The following KALRN variants were observed in gnomAD, a reference collection of about 807,000 sequenced individuals.
KALRN encodes the protein kalirin RhoGEF kinase, also known as kalirin.
A neutral mutation model predicts 353.7 loss-of-function variants in KALRN; 70 were observed. That is an observed-to-expected ratio of 0.20 (90% confidence interval 0.16 to 0.24). KALRN has a LOEUF of 0.24. Ranked by LOEUF, KALRN falls within the 10% of genes least tolerant of loss-of-function variation. The probability of loss-of-function intolerance (pLI) is 1.00; values close to 1 mark genes in which losing one functional copy is unlikely to be tolerated. For missense variants in KALRN, 2,791 were observed against 3,756.7 expected, an observed-to-expected ratio of 0.74 and a Z score of 6.72; for synonymous variants, 1,391 against 1,434.8, an observed-to-expected ratio of 0.97 and a Z score of 0.69.
At chr3:124,234,597 T>C (rs1370594210) in intron 2 of KALRN, among the ~76,000 whole-genome samples, 1 of 152,200 alleles carries the variant, frequency 6.6e-6, no homozygotes, top group Non-Finnish European at 1.5e-5. Flanking sequence ...TGCACAGTAC[T>C]GTTTTCATCT....
intron 34 of KALRN, among the ~76,000 whole-genome samples, chr3:124,570,646 G>A (rs1337823533): frequency 6.6e-6 from 1 of 152,206 alleles, no homozygotes. Context: ...ATTTATTTGA[G>A]TACTGATACT....
chr3:124,177,960 T>A (rs1381959293), intron 1 of KALRN, among the ~76,000 whole-genome samples: 1 of 152,196 alleles, frequency 6.6e-6, no homozygotes, highest in Non-Finnish European at 1.5e-5. Context: ...GAAAGTGTGA[T>A]CTGGACAACT....
intron 6 of KALRN, among the ~76,000 whole-genome samples, chr3:124,310,324 G>A (rs918346977): frequency 3.3e-5 from 5 of 152,054 alleles, no homozygotes; most frequent in African/African-American, 1.2e-4. Flanking sequence ...ATATTGTTAG[G>A]ATGGCAATAC....
chr3:124,629,592 T>C (rs2080508882), intron 34 of KALRN, among the ~76,000 whole-genome samples: 2 of 152,206 alleles, frequency 1.3e-5, no homozygotes, highest in Admixed American at 1.3e-4. Flanking sequence ...CTGCTGTTTC[T>C]CCCTTTTGGA....
chr3:124,677,478 G>A, intron 49 of KALRN: 2 of 408,060 alleles, frequency 4.9e-6, no homozygotes, highest in East Asian at 1.5e-4. Flanking sequence ...ACCTCCCTGG[G>A]AGCACACATT....
rs183890434 is a variant in KALRN at position 124,437,619 on chromosome 3, G to A, written c.3049-1269G>A. 2.1e-3 allele frequency among the ~76,000 whole-genome samples: 306 copies of A among 145,022 alleles called. 1 individual carries two copies. Among genetic ancestry groups the A allele is most frequent in the Non-Finnish European group, 3.2e-3 (213 of 67,160 alleles). Reference sequence around the variant, plus strand: ...GCAGGAGAATCCCTTGAACCTGGGAGGCAGAGGTTGCATTGAGCCAAGATT... The same window carrying A: ...GCAGGAGAATCCCTTGAACCTGGGAAGCAGAGGTTGCATTGAGCCAAGATT... On this transcript the variant is annotated intron_variant, in intron 17 of 59. Transcript: ENST00000682506.
chr3:124,275,400 T>C (rs1206868376), intron 5 of KALRN, among the ~76,000 whole-genome samples: 2 of 152,242 alleles, frequency 1.3e-5, no homozygotes, highest in Non-Finnish European at 2.9e-5. Flanking sequence ...CCCCTACATA[T>C]TTATAGTGGG....
At chr3:124,476,077 A>T (rs965052894) in intron 26 of KALRN, among the ~76,000 whole-genome samples, 1 of 152,026 alleles carries the variant, frequency 6.6e-6, no homozygotes, top group Non-Finnish European at 1.5e-5. Context: ...TAGTTCCAAA[A>T]ACTGGTTTCA....
intron 14 of KALRN, among the ~76,000 whole-genome samples, chr3:124,420,620 C>A (rs1383118967): frequency 6.6e-6 from 1 of 152,092 alleles, no homozygotes; most frequent in Non-Finnish European, 1.5e-5. Context: ...CCGTTCTTTT[C>A]TCTGTCTCCC....
At chr3:124,051,945 T>C (rs2041084178) in intron 1 of KALRN, among the ~76,000 whole-genome samples, 1 of 152,230 alleles carries the variant, frequency 6.6e-6, no homozygotes, top group African/African-American at 2.4e-5. Context: ...AGTGTGTCCC[T>C]CTCTGAGGCT....
At chr3:124,051,839 A>G (rs1053672902) in intron 1 of KALRN, among the ~76,000 whole-genome samples, 26 of 152,178 alleles carry the variant, frequency 1.7e-4, no homozygotes, top group Admixed American at 8.5e-4. Flanking sequence ...CAAAAATAAC[A>G]CAACAGGTAA....
chr3:124,371,617 C>T (rs2085846238), intron 10 of KALRN, among the ~76,000 whole-genome samples: 1 of 152,012 alleles, frequency 6.6e-6, no homozygotes, highest in Admixed American at 6.5e-5. Context: ...TTTCTGCTTA[C>T]TTTTTGGAAT....
chr3:124,077,927 G>C (rs1277100782), intron 1 of KALRN, among the ~76,000 whole-genome samples: 4 of 152,180 alleles, frequency 2.6e-5, no homozygotes, highest in Non-Finnish European at 5.9e-5. Flanking sequence ...CTTGACTTCT[G>C]TGGACCCGTT....
At chr3:124,438,441 A>G (rs2093554904) in intron 17 of KALRN, among the ~76,000 whole-genome samples, 1 of 152,054 alleles carries the variant, frequency 6.6e-6, no homozygotes, top group Non-Finnish European at 1.5e-5. Flanking sequence ...ACCATACAAC[A>G]TAGGCAACTT....
intron 1 of KALRN, among the ~76,000 whole-genome samples, chr3:124,078,825 C>T (rs2060391100): frequency 6.6e-6 from 1 of 152,184 alleles, no homozygotes; most frequent in South Asian, 2.1e-4. Context: ...TCACTCTCAA[C>T]CAAGGCAGTT....
intron 1 of KALRN, among the ~76,000 whole-genome samples, chr3:124,038,466 G>A (rs535029537): frequency 6.6e-6 from 1 of 152,266 alleles, no homozygotes; most frequent in South Asian, 2.1e-4. Flanking sequence ...GGGAGAGAAT[G>A]TGTGGAGAGG....
chr3:124,241,398 A>C (rs1026530883), intron 3 of KALRN, among the ~76,000 whole-genome samples: 4 of 152,130 alleles, frequency 2.6e-5, no homozygotes, highest in Non-Finnish European at 5.9e-5. Context: ...TAAGGTTTTG[A>C]CTCTGAGAAC....
rs147183711 is a variant in KALRN, at chr3:124,387,240, C to T, written c.1962+2204C>T. ...TCTCTCAAATCTTGCTAAGCTTGGT[C>T]GTGTTTGAACCTGAGACTTGTTTCC... On this transcript the variant is annotated intron_variant, in intron 11 of 59. Transcript: ENST00000682506. Among the ~76,000 whole-genome samples, 375 of 152,210 alleles carry T rather than the reference C, an allele frequency of 2.5e-3. 4 individuals carry two copies. The highest frequency in any genetic ancestry group is 8.4e-3 in the African/African-American group (350 of 41,532).
intron 3 of KALRN, among the ~76,000 whole-genome samples, chr3:124,237,233 G>A (rs2079890649): frequency 6.6e-6 from 1 of 152,228 alleles, no homozygotes; most frequent in African/African-American, 2.4e-5. Context: ...AGACTCAGTA[G>A]ATGATACTGA....
Sources: gnomAD v4.1 joint callset for allele counts (sites outside exome capture counted in the v4.1 genomes callset) on GRCh38, gnomAD v4.1.1 for gene constraint, MANE v1.5 for transcripts, NCBI Gene and HGNC (gene_info 2026-07-23, HGNC 2026-07-21) for gene names.